Variants in ICE2 observed in about 807,000 individuals in gnomAD.
ICE2 encodes the protein interactor of little elongation complex ELL subunit 2.
A neutral mutation model predicts 105.4 loss-of-function variants in ICE2; 87 were observed. The ratio of observed to expected loss-of-function variants is 0.83; its 90% CI spans 0.69 to 0.99. The LOEUF is 0.99. ICE2 is among the 50% of genes least tolerant of loss of function. The probability of loss-of-function intolerance (pLI) is 0.00; values close to 1 mark genes in which losing one functional copy is unlikely to be tolerated. For synonymous variants in ICE2, 399 were observed against 392.0 expected, an observed-to-expected ratio of 1.02 and a Z score of -0.21; for missense variants, 1,323 against 1,146.7, an observed-to-expected ratio of 1.15 and a Z score of -2.22.
Position 60,421,699 on chromosome 15 carries a change from G to A in ICE2, c.*1935C>T, listed in dbSNP as rs1168180427. On this transcript the variant is annotated 3_prime_UTR_variant, in exon 16 of 16. Coordinates refer to ENST00000261520, the MANE Select transcript of ICE2 (RefSeq NM_024611.6). ...AAAAGTGTAAGAGTACATTTCAAGG[G>A]AATCCCTGCCTCTCCCTTGGCTCGC... The A allele has an allele frequency of 6.6e-6, 1 of 152,046 alleles. No homozygotes were observed. The highest frequency in any genetic ancestry group is 1.5e-5 in the Non-Finnish European group (1 of 68,016). 9.4% of individuals were successfully genotyped at this position (152,046 alleles called of 1,614,324 possible).
intron 9 of ICE2, 64 bp from the exon 10 acceptor site, chr15:60,449,905 G>T: frequency 8.6e-7 from 1 of 1,158,010 alleles, no homozygotes. Flanking sequence ...ATCTCTTAAT[G>T]TCCCTATCCC....
At chr15:60,460,325 A>G (rs2064239595) in intron 5 of ICE2, among the ~76,000 whole-genome samples, 1 of 152,308 alleles carries the variant, frequency 6.6e-6, no homozygotes, top group African/African-American at 2.4e-5. Flanking sequence ...GGTGAAATCC[A>G]TCTCCACTAA....
At chr15:60,453,457 G>T in intron 9 of ICE2, 146 bp downstream of exon 9, 1 of 1,416,384 alleles carries the variant, frequency 7.1e-7, no homozygotes, top group Non-Finnish European at 9.2e-7. Context: ...GTTGCCTAAA[G>T]TCCAGCTAGA....
At position 60,453,224 on chromosome 15, in the gene ICE2, T is replaced by C. The variant is rs956172946; in HGVS notation, c.1125+379A>G. 5.0e-6 allele frequency: 5 copies of C among 1,005,624 alleles called. No individual in the cohort carries two copies. In the African/African-American group the frequency reaches 8.7e-5, roughly 18 times the overall value. 62.3% of individuals were successfully genotyped at this position (1,005,624 alleles called of 1,614,324 possible). ...TCCAGCCTGGGTGGCAGGGTGAGGTTCCATCTCAAAAAAATAAAACTCTTG... is the reference window on the plus strand; with the variant it reads ...TCCAGCCTGGGTGGCAGGGTGAGGTCCCATCTCAAAAAAATAAAACTCTTG... On this transcript the variant is annotated intron_variant, in intron 9 of 15. Transcript: ENST00000261520.
chr15:60,442,833 G>GA (rs2063747727), intron 11 of ICE2: 2 of 213,746 alleles, frequency 9.4e-6, no homozygotes, highest in Non-Finnish European at 1.8e-5. Flanking sequence ...TTTGGTCAGG[G>GA]AATGTGACTG....
intron 9 of ICE2, among the ~76,000 whole-genome samples, chr15:60,450,695 C>T (rs1453942110): frequency 1.3e-5 from 2 of 152,196 alleles, no homozygotes; most frequent in East Asian, 3.8e-4. Context: ...AGTTACTCAA[C>T]CTCTCTGAAC....
chr15:60,433,109 G>C (rs1258319538), intron 13 of ICE2, among the ~76,000 whole-genome samples: 2 of 150,350 alleles, frequency 1.3e-5, no homozygotes, highest in African/African-American at 4.9e-5. Flanking sequence ...TTTTGAGACA[G>C]AGTCTCGCTC....
At chr15:60,427,414 CT>C (rs539563640) in intron 15 of ICE2, among the ~76,000 whole-genome samples, 3 of 152,058 alleles carry the variant, frequency 2.0e-5, no homozygotes, top group South Asian at 4.1e-4. Context: ...GAGAGCAAAA[CT>C]TTTTTCTTTC....
intron 3 of ICE2, among the ~76,000 whole-genome samples, chr15:60,472,603 C>T (rs957060147): frequency 1.3e-5 from 2 of 152,122 alleles, no homozygotes; most frequent in Non-Finnish European, 2.9e-5. Flanking sequence ...GTTAGGTATG[C>T]CCAACTTCCA....
chr15:60,459,779 A>T (rs765864535), intron 5 of ICE2, among the ~76,000 whole-genome samples: 3 of 152,198 alleles, frequency 2.0e-5, no homozygotes, highest in Non-Finnish European at 2.9e-5. Context: ...GGAAGTATTG[A>T]CTATAAAAAT....
chr15:60,429,796 A>G (rs1471259794), intron 14 of ICE2, among the ~76,000 whole-genome samples: 1 of 152,196 alleles, frequency 6.6e-6, no homozygotes, highest in Non-Finnish European at 1.5e-5. Context: ...GAAATGAATT[A>G]TTATGATAGT....
At chr15:60,459,944 A>G (rs1382870116) in intron 5 of ICE2, among the ~76,000 whole-genome samples, 1 of 152,224 alleles carries the variant, frequency 6.6e-6, no homozygotes, top group African/African-American at 2.4e-5. Context: ...ATATACCGTC[A>G]TCATAATGGA....
In ICE2 at chr15:60,466,580, A is replaced by G; in HGVS notation, c.528+14T>C. 1 of 1,608,462 alleles carries G rather than the reference A, an allele frequency of 6.2e-7. No homozygotes were observed. Among genetic ancestry groups the G allele is most frequent in the East Asian group, 2.2e-5 (1 of 44,756 alleles). ...TCACTTCGCAATTTACACAAATGTGAGTTGTTTTTTTACCTCTGTGAAGAG... is the reference window on the plus strand; with the variant it reads ...TCACTTCGCAATTTACACAAATGTGGGTTGTTTTTTTACCTCTGTGAAGAG... On this transcript the variant is annotated intron_variant, in intron 5 of 15. Coordinates refer to ENST00000261520, the MANE Select transcript of ICE2 (RefSeq NM_024611.6).
chr15:60,477,795 G>A, intron 2 of ICE2, 142 bp downstream of exon 2: 2 of 719,344 alleles, frequency 2.8e-6, no homozygotes, highest in East Asian at 5.0e-5. Flanking sequence ...ATGTGAAGAT[G>A]AGGATAGGGT....
At chr15:60,478,789 T>C (rs1331244523) in intron 1 of ICE2, 3 of 361,424 alleles carry the variant, frequency 8.3e-6, no homozygotes, top group African/African-American at 4.3e-5. Flanking sequence ...AAGAAACGGC[T>C]GAGGGAAAGG....
intron 5 of ICE2, among the ~76,000 whole-genome samples, chr15:60,461,688 TG>T (rs1181561139): frequency 1.3e-4 from 20 of 152,190 alleles, no homozygotes; most frequent in Non-Finnish European, 2.5e-4. Context: ...ATAAAGCAAA[TG>T]AGACATATGA....
chr15:60,433,768 G>A (rs1221231691), intron 13 of ICE2, among the ~76,000 whole-genome samples: 1 of 150,922 alleles, frequency 6.6e-6, no homozygotes. Flanking sequence ...GGGGATTACA[G>A]GCATGAGCCA....
intron 5 of ICE2, among the ~76,000 whole-genome samples, chr15:60,464,336 G>A (rs1429833703): frequency 7.7e-6 from 1 of 129,036 alleles, no homozygotes; most frequent in African/African-American, 2.6e-5. Flanking sequence ...GGAAGACCAC[G>A]AGTGAATAAA....
At chr15:60,460,401 G>A (rs1489839507) in intron 5 of ICE2, among the ~76,000 whole-genome samples, 2 of 152,234 alleles carry the variant, frequency 1.3e-5, no homozygotes, top group East Asian at 3.9e-4. Flanking sequence ...GGTAGGCCGA[G>A]GCAGGAGAGT....
Sources: allele counts gnomAD v4.1 joint callset (sites outside exome capture counted in the v4.1 genomes callset), GRCh38; gene constraint gnomAD v4.1.1; transcripts MANE v1.5; gene names NCBI Gene and HGNC (gene_info 2026-07-23, HGNC 2026-07-21).